Variants in WWOX observed in about 807,000 individuals in gnomAD.
WWOX encodes the protein WW domain containing oxidoreductase, also known as WW domain-containing oxidoreductase.
In WWOX, 69 loss-of-function variants were observed where a neutral mutation model predicts 46.2. That is an observed-to-expected ratio of 1.49 (90% confidence interval 1.23 to 1.82). The LOEUF is 1.82. WWOX is among the 40% of genes most tolerant of loss of function. The pLI, the probability that WWOX is intolerant of heterozygous loss-of-function variation, is 0.00. For missense variants in WWOX, 919 were observed against 542.6 expected (o/e 1.69, Z -6.89); for synonymous variants, 359 against 202.6 (o/e 1.77, Z -6.56).
rs775054169 is a variant in WWOX at position 79,211,883 on chromosome 16, C to T, written c.*87C>T. The stretch of plus-strand genomic sequence containing the variant: ...CAGGGCTGGGCCCCTTCCAAATGTC[C>T]CTCCAACACAGATCCGCAAGAGTAA... On this transcript the variant is annotated 3_prime_UTR_variant, in exon 9 of 9. Transcript: ENST00000566780. 15 of 1,583,224 alleles carry T rather than the reference C, an allele frequency of 9.5e-6. No individual in the cohort carries two copies. In the East Asian group the frequency reaches 2.5e-4, roughly 27 times the overall value.
At chr16:78,211,024 A>C (rs2036543859) in intron 5 of WWOX, among the ~76,000 whole-genome samples, 2 of 152,246 alleles carry the variant, frequency 1.3e-5, no homozygotes, top group Admixed American at 1.3e-4. Flanking sequence ...ATAAATCCAT[A>C]GTAACTGGAG....
chr16:78,384,490 C>G (rs148492157), intron 5 of WWOX, among the ~76,000 whole-genome samples: 5 of 152,104 alleles, frequency 3.3e-5, no homozygotes, highest in Non-Finnish European at 7.4e-5. Context: ...GGTTCTGCTC[C>G]TCATCTGGAG....
chr16:78,155,833 T>C (rs182548452), intron 4 of WWOX, among the ~76,000 whole-genome samples: 1 of 152,284 alleles, frequency 6.6e-6, no homozygotes, highest in African/African-American at 2.4e-5. Flanking sequence ...ATTACAAGAG[T>C]GAGGGATGTT....
At chr16:78,745,822 A>C (rs921340517) in intron 8 of WWOX, among the ~76,000 whole-genome samples, 1 of 151,470 alleles carries the variant, frequency 6.6e-6, no homozygotes, top group African/African-American at 2.4e-5. Flanking sequence ...GTAGAGGGCT[A>C]GTTTACAGAT....
intron 8 of WWOX, among the ~76,000 whole-genome samples, chr16:78,710,493 TATATA>T (rs2048419574): frequency 7.4e-6 from 1 of 135,998 alleles, no homozygotes; most frequent in African/African-American, 2.7e-5. Flanking sequence ...TATATATATA[TATATA>T]TTTATATAAA....
intron 8 of WWOX, among the ~76,000 whole-genome samples, chr16:78,610,298 T>C (rs1029135299): frequency 7.9e-5 from 12 of 152,136 alleles, no homozygotes; most frequent in Admixed American, 3.3e-4. Context: ...TGGCATTTAA[T>C]TTTTCCACAA....
At chr16:78,936,352 C>A (rs79280386) in intron 8 of WWOX, among the ~76,000 whole-genome samples, 26 of 152,142 alleles carry the variant, frequency 1.7e-4, no homozygotes, top group Non-Finnish European at 3.4e-4. Flanking sequence ...TGGAATGACT[C>A]TGAACCTTTT....
At chr16:78,532,065 T>A (rs374652013) in intron 8 of WWOX, among the ~76,000 whole-genome samples, 1 of 144,650 alleles carries the variant, frequency 6.9e-6, no homozygotes, top group South Asian at 2.2e-4. Flanking sequence ...AGTAGGGAGT[T>A]TTTTTTTTTT....
chr16:79,088,529 C>T (rs530476539), intron 8 of WWOX, among the ~76,000 whole-genome samples: 3 of 152,272 alleles, frequency 2.0e-5, no homozygotes, highest in Non-Finnish European at 2.9e-5. Flanking sequence ...ATGACGGAGT[C>T]AGAAAAATGA....
At chr16:78,133,020 T>A (rs2033656795) in intron 4 of WWOX, among the ~76,000 whole-genome samples, 1 of 152,186 alleles carries the variant, frequency 6.6e-6, no homozygotes, top group Non-Finnish European at 1.5e-5. Flanking sequence ...TATTTGGATC[T>A]ACAAATTCCA....
At chr16:78,811,639 G>C (rs1177225781) in intron 8 of WWOX, among the ~76,000 whole-genome samples, 1 of 151,976 alleles carries the variant, frequency 6.6e-6, no homozygotes, top group Non-Finnish European at 1.5e-5. Flanking sequence ...CCAAAGTGCT[G>C]GGATTACAGG....
chr16:78,490,710 C>A (rs2084761540), intron 8 of WWOX, among the ~76,000 whole-genome samples: 1 of 152,184 alleles, frequency 6.6e-6, no homozygotes, highest in African/African-American at 2.4e-5. Context: ...CGTCCTGCAG[C>A]AAACTGCATT....
intron 8 of WWOX, among the ~76,000 whole-genome samples, chr16:78,995,874 G>T (rs2151355206): frequency 6.6e-6 from 1 of 152,334 alleles, no homozygotes; most frequent in East Asian, 1.9e-4. Flanking sequence ...TTTGGAGATT[G>T]TGTGATCTTA....
chr16:78,915,231 G>A (rs553481445), intron 8 of WWOX, among the ~76,000 whole-genome samples: 15 of 152,244 alleles, frequency 9.9e-5, no homozygotes, highest in South Asian at 2.1e-4. Context: ...GGGTTGTACC[G>A]ATTAAGAGGG....
At chr16:78,561,179 A>G (rs1597268925) in intron 8 of WWOX, among the ~76,000 whole-genome samples, 1 of 152,272 alleles carries the variant, frequency 6.6e-6, no homozygotes, top group East Asian at 1.9e-4. Flanking sequence ...GGCAACCCAC[A>G]TTCCTTGACT....
intron 8 of WWOX, among the ~76,000 whole-genome samples, chr16:78,781,132 T>A (rs1209563485): frequency 6.6e-6 from 1 of 152,138 alleles, no homozygotes; most frequent in Non-Finnish European, 1.5e-5. Flanking sequence ...GACAGGTAAA[T>A]CAAGACAGGG....
intron 8 of WWOX, among the ~76,000 whole-genome samples, chr16:78,819,281 C>T (rs564298714): frequency 6.6e-6 from 1 of 152,136 alleles, no homozygotes; most frequent in Non-Finnish European, 1.5e-5. Flanking sequence ...GGAGGCAAGA[C>T]TCAACTCCAT....
rs528905123 is a variant in WWOX, at chr16:78,321,315, C to T, written c.517-65545C>T. On this transcript the variant is annotated intron_variant, in intron 5 of 8. Transcript: ENST00000566780. ...ACGTATATATATACGTATATATATG[C>T]GTATATATATACGTATATATGCGTA... is the stretch of plus-strand genomic sequence containing the variant. Among the ~76,000 whole-genome samples the T allele has an allele frequency of 1.9e-3, 164 of 84,466 alleles. 7 individuals carry two copies. Among genetic ancestry groups the T allele is most frequent in the Admixed American group, 4.0e-3 (35 of 8,796 alleles). The allele number at this position is 84,466 out of a possible 152,430, so 55.4% of individuals were successfully genotyped here.
chr16:78,642,292 G>C (rs1463173379), intron 8 of WWOX, among the ~76,000 whole-genome samples: 1 of 152,172 alleles, frequency 6.6e-6, no homozygotes, highest in Non-Finnish European at 1.5e-5. Flanking sequence ...GGAGGTGGAG[G>C]ATAAAGGATA....
Sources: gnomAD v4.1 joint callset for allele counts (sites outside exome capture counted in the v4.1 genomes callset) on GRCh38, gnomAD v4.1.1 for gene constraint, MANE v1.5 for transcripts, NCBI Gene and HGNC (gene_info 2026-07-23, HGNC 2026-07-21) for gene names.